The following DAB1 variants were observed in gnomAD, a reference collection of about 807,000 sequenced individuals.
DAB1 encodes the protein DAB adaptor protein 1.
Under a neutral mutation model 64.6 loss-of-function variants are expected in DAB1, and 15 were observed. That is an observed-to-expected ratio of 0.23 (90% CI 0.16 to 0.36). The LOEUF (loss-of-function observed/expected upper bound fraction) is 0.36, where lower values mean the gene tolerates loss of function less well. Ranked by LOEUF, DAB1 falls within the 10% of genes least tolerant of loss-of-function variation. The pLI is 1.00. For synonymous variants in DAB1, 235 were observed against 251.9 expected (o/e 0.93, Z 0.64); for missense variants, 596 against 706.7 (o/e 0.84, Z 1.78).
At chr1:57,864,316 T>C (rs1654197688) in intron 1 of DAB1, 1 of 152,224 alleles carries the variant, frequency 6.6e-6, no homozygotes, top group Non-Finnish European at 1.5e-5. Context: ...ATAACATAAC[T>C]TCTTCCTCTT....
intron 2 of DAB1, among the ~76,000 whole-genome samples, chr1:57,189,307 T>C (rs1318000521): frequency 6.6e-6 from 1 of 152,148 alleles, no homozygotes; most frequent in Non-Finnish European, 1.5e-5. Context: ...AAGTACATGG[T>C]TTCCTTTCAA....
intron 5 of DAB1, among the ~76,000 whole-genome samples, chr1:58,148,781 C>A (rs551212474): frequency 1.3e-5 from 2 of 152,000 alleles, no homozygotes; most frequent in Admixed American, 6.6e-5. Context: ...TCACACCCCC[C>A]CCCCAACCTC....
At chr1:58,000,482 CT>C (rs1406330600) in intron 5 of DAB1, among the ~76,000 whole-genome samples, 9 of 149,966 alleles carry the variant, frequency 6.0e-5, no homozygotes, top group African/African-American at 2.2e-4. Flanking sequence ...TCTGCTGTCT[CT>C]TGGTCTCCTC....
chr1:57,365,877 T>G (rs1037493116), intron 1 of DAB1, among the ~76,000 whole-genome samples: 1 of 152,210 alleles, frequency 6.6e-6, no homozygotes. Context: ...TCCCGTATAC[T>G]GTAAGCAATG....
chr1:57,308,858 C>T (rs932644311), intron 1 of DAB1, among the ~76,000 whole-genome samples: 3 of 152,030 alleles, frequency 2.0e-5, no homozygotes, highest in Non-Finnish European at 2.9e-5. Context: ...ATGGCTGTAA[C>T]CAAGCTAAGA....
intron 6 of DAB1, among the ~76,000 whole-genome samples, chr1:57,819,401 C>T (rs1036143739): frequency 6.6e-6 from 1 of 152,128 alleles, no homozygotes; most frequent in Non-Finnish European, 1.5e-5. Flanking sequence ...TTTAATTTTC[C>T]TTGCTGGTTT....
intron 5 of DAB1, among the ~76,000 whole-genome samples, chr1:58,083,547 A>G (rs1650127067): frequency 6.6e-6 from 1 of 152,222 alleles, no homozygotes; most frequent in Non-Finnish European, 1.5e-5. Flanking sequence ...CTATATATGA[A>G]TTTAGTTATG....
chr1:57,520,736 C>T (rs4526638), intron 7 of DAB1, among the ~76,000 whole-genome samples: 10,629 of 151,842 alleles, frequency 0.07, 1,160 homozygotes, highest in African/African-American at 0.23. Flanking sequence ...AGCTCACAAT[C>T]AAAAGAGTAA....
At chr1:58,164,437 C>G (rs1376690704) in intron 4 of DAB1, among the ~76,000 whole-genome samples, 10 of 152,198 alleles carry the variant, frequency 6.6e-5, no homozygotes, top group Non-Finnish European at 1.3e-4. Context: ...AAAAACATCT[C>G]TCTGATCTGA....
chr1:58,520,425 T>C (rs1179483545), intron 2 of DAB1, among the ~76,000 whole-genome samples: 1 of 152,134 alleles, frequency 6.6e-6, no homozygotes, highest in East Asian at 1.9e-4. Context: ...GAGAAGATAA[T>C]TCACAAAGGA....
intron 1 of DAB1, among the ~76,000 whole-genome samples, chr1:57,333,264 G>A (rs1453057294): frequency 6.6e-6 from 1 of 152,178 alleles, no homozygotes; most frequent in Non-Finnish European, 1.5e-5. Flanking sequence ...AGAGGGAGGA[G>A]ATTAAACCCA....
At chr1:57,667,790 G>A (rs554510746) in intron 6 of DAB1, among the ~76,000 whole-genome samples, 7 of 152,076 alleles carry the variant, frequency 4.6e-5, no homozygotes, top group African/African-American at 9.6e-5. Flanking sequence ...AAAACTAAAC[G>A]CTGCATATCC....
At chr1:57,035,964 T>A (rs1333243311) in intron 9 of DAB1, among the ~76,000 whole-genome samples, 1 of 146,020 alleles carries the variant, frequency 6.8e-6, no homozygotes, top group East Asian at 2.1e-4. Context: ...TGCCTCAGCC[T>A]CCCGAGTAGC....
chr1:57,479,383 GGTTACTAAATAAAA>G (rs1457268235), intron 7 of DAB1, among the ~76,000 whole-genome samples: 1 of 150,256 alleles, frequency 6.7e-6, no homozygotes, highest in Admixed American at 6.6e-5. Flanking sequence ...TAGGTGAGGA[GGTTACTAAATAAAA>G]GAACTGTTTC....
chr1:58,441,435 T>C (rs916595508), intron 3 of DAB1, among the ~76,000 whole-genome samples: 1 of 152,206 alleles, frequency 6.6e-6, no homozygotes, highest in Non-Finnish European at 1.5e-5. Context: ...ACTATTGTTT[T>C]CTTATTCTAC....
At chr1:57,639,484 T>C (rs940059839) in intron 7 of DAB1, among the ~76,000 whole-genome samples, 1 of 152,144 alleles carries the variant, frequency 6.6e-6, no homozygotes, top group African/African-American at 2.4e-5. Context: ...TGAAAAGTTT[T>C]AAGCAGAGGA....
chr1:57,861,764 T>C (rs1654046527), intron 1 of DAB1, among the ~76,000 whole-genome samples: 1 of 148,842 alleles, frequency 6.7e-6, no homozygotes, highest in African/African-American at 2.4e-5. Context: ...TAACATAGTA[T>C]ATATGTATAT....
intron 6 of DAB1, among the ~76,000 whole-genome samples, chr1:57,690,099 A>G (rs532505050): frequency 6.6e-6 from 1 of 152,048 alleles, no homozygotes; most frequent in Non-Finnish European, 1.5e-5. Context: ...ACTCTTTTTC[A>G]TGGCTGAATA....
chr1:58,095,774 G>A (rs1205292041), intron 5 of DAB1, among the ~76,000 whole-genome samples: 4 of 152,134 alleles, frequency 2.6e-5, no homozygotes, highest in Non-Finnish European at 4.4e-5. Context: ...TGAGCCTGAA[G>A]GTACCAATTA....
Sources: allele counts gnomAD v4.1 joint callset (sites outside exome capture counted in the v4.1 genomes callset), GRCh38; gene constraint gnomAD v4.1.1; transcripts MANE v1.5; gene names NCBI Gene and HGNC (gene_info 2026-07-23, HGNC 2026-07-21).